BRINP3: variants seen among roughly 807,000 people sequenced by gnomAD.
The protein encoded by BRINP3 is BMP/retinoic acid inducible neural specific 3.
A neutral mutation model predicts 71.0 loss-of-function variants in BRINP3; 19 were observed. That is an observed-to-expected ratio of 0.27 (90% CI 0.19 to 0.39). BRINP3 has a LOEUF of 0.39. Ranked by LOEUF, BRINP3 falls within the 10% of genes least tolerant of loss-of-function variation. The pLI is 1.00. For missense variants in BRINP3, 959 were observed against 940.8 expected, an observed-to-expected ratio of 1.02 and a Z score of -0.25; for synonymous variants, 380 against 337.7, an observed-to-expected ratio of 1.13 and a Z score of -1.37.
At chr1:190,299,645 C>T (rs1290354249) in intron 2 of BRINP3, among the ~76,000 whole-genome samples, 1 of 138,648 alleles carries the variant, frequency 7.2e-6, no homozygotes, top group Non-Finnish European at 1.5e-5. Flanking sequence ...CATGTGTTCT[C>T]ATTGTTCAAT....
At chr1:190,259,047 C>T (rs1388269994) in intron 4 of BRINP3, among the ~76,000 whole-genome samples, 1 of 151,882 alleles carries the variant, frequency 6.6e-6, no homozygotes, top group Admixed American at 6.6e-5. Context: ...GATGGTTTCA[C>T]CACTAAATTC....
At chr1:190,438,563 T>C (rs1674619672) in intron 2 of BRINP3, among the ~76,000 whole-genome samples, 1 of 151,888 alleles carries the variant, frequency 6.6e-6, no homozygotes, top group African/African-American at 2.4e-5. Flanking sequence ...ACTTTGAGGA[T>C]GTTTTATATG....
intron 7 of BRINP3, among the ~76,000 whole-genome samples, chr1:190,132,861 T>C (rs1277082563): frequency 6.6e-6 from 1 of 152,128 alleles, no homozygotes; most frequent in Non-Finnish European, 1.5e-5. Flanking sequence ...CTTCTCACTC[T>C]AACTTTTGGA....
chr1:190,122,996 T>A (rs1318112337), intron 7 of BRINP3, among the ~76,000 whole-genome samples: 1 of 152,016 alleles, frequency 6.6e-6, no homozygotes, highest in Non-Finnish European at 1.5e-5. Flanking sequence ...GACAGACAGT[T>A]GCAACCAGAC....
At chr1:190,293,273 C>T (rs961675161) in intron 2 of BRINP3, among the ~76,000 whole-genome samples, 1 of 151,674 alleles carries the variant, frequency 6.6e-6, no homozygotes, top group African/African-American at 2.4e-5. Context: ...ATTTTTTTAT[C>T]AATACATAAG....
chr1:190,462,411 C>A (rs1373908406), intron 1 of BRINP3, among the ~76,000 whole-genome samples: 1 of 151,994 alleles, frequency 6.6e-6, no homozygotes, highest in Non-Finnish European at 1.5e-5. Context: ...AGATCCTAAT[C>A]AACAAACAGC....
Position 190,454,853 on chromosome 1 carries a change from G to A in BRINP3, c.38C>T (p.Ser13Phe). 2 of 1,614,178 alleles carry A rather than the reference G, an allele frequency of 1.2e-6. No homozygotes were observed. Among genetic ancestry groups the A allele is most frequent in the Non-Finnish European group, 1.7e-6 (2 of 1,180,042 alleles). ...WRSRAGAELF[S>F]LMALWEWIAL... ...TATCCACTCCCATAGAGCCATCAGA[G>A]AGAACAATTCAGCACCAGCTCTGCT... The change falls in exon 2 of 8, where the codon TCT (serine) becomes TTT (phenylalanine). Residue 13 changes from serine (S) to phenylalanine (F), a missense_variant. By Grantham distance (155) the Ser-to-Phe change is radical. Transcript: ENST00000367462.
chr1:190,252,409 T>C (rs1660231058), intron 4 of BRINP3, among the ~76,000 whole-genome samples: 1 of 152,116 alleles, frequency 6.6e-6, no homozygotes, highest in Non-Finnish European at 1.5e-5. Context: ...TACTGAGTTT[T>C]CTTTCTGCTT....
At chr1:190,128,482 T>C (rs1319520331) in intron 7 of BRINP3, among the ~76,000 whole-genome samples, 1 of 151,794 alleles carries the variant, frequency 6.6e-6, no homozygotes, top group Non-Finnish European at 1.5e-5. Flanking sequence ...CTACATCAAA[T>C]GGACATGAGT....
At chr1:190,330,793 C>A (rs1426221176) in intron 2 of BRINP3, among the ~76,000 whole-genome samples, 2 of 151,964 alleles carry the variant, frequency 1.3e-5, no homozygotes, top group South Asian at 2.1e-4. Context: ...GAATACTATA[C>A]CACCATAAAA....
chr1:190,172,223 T>G (rs949957581), intron 6 of BRINP3, among the ~76,000 whole-genome samples: 3 of 150,494 alleles, frequency 2.0e-5, no homozygotes, highest in African/African-American at 7.4e-5. Context: ...GTGATTTGGG[T>G]GACAAATAAA....
At chr1:190,223,917 C>T (rs1352564698) in intron 6 of BRINP3, among the ~76,000 whole-genome samples, 1 of 151,490 alleles carries the variant, frequency 6.6e-6, no homozygotes, top group Non-Finnish European at 1.5e-5. Flanking sequence ...TAAAATACCT[C>T]AAAGCAATCA....
chr1:190,467,763 C>T lies in BRINP3; in HGVS notation c.-51+9685G>A, dbSNP rs570863254. On this transcript the variant is annotated intron_variant, in intron 1 of 7. Transcript: ENST00000367462. Reference sequence around the variant, plus strand: ...TAAAATAGCCCAAACTGTCTTCAAACTCAAAAGGTTATGAGGTACTATTTC... The same window carrying T: ...TAAAATAGCCCAAACTGTCTTCAAATTCAAAAGGTTATGAGGTACTATTTC... Among the ~76,000 whole-genome samples, 487 of 151,606 alleles carry T rather than the reference C, an allele frequency of 3.2e-3. 2 individuals are homozygous for T. The highest frequency in any genetic ancestry group is 5.8e-3 in the Non-Finnish European group (393 of 67,564).
At chr1:190,182,562 C>A (rs190107898) in intron 6 of BRINP3, among the ~76,000 whole-genome samples, 1 of 148,318 alleles carries the variant, frequency 6.7e-6, no homozygotes, top group African/African-American at 2.5e-5. Flanking sequence ...TTGTTGACTG[C>A]TTGATTTTAA....
At chr1:190,263,431 G>A (rs370158699) in intron 4 of BRINP3, among the ~76,000 whole-genome samples, 1 of 151,900 alleles carries the variant, frequency 6.6e-6, no homozygotes, top group East Asian at 1.9e-4. Context: ...GCAACATTAG[G>A]ATTTTGTCAT....
intron 2 of BRINP3, among the ~76,000 whole-genome samples, chr1:190,418,270 C>T (rs922262491): frequency 3.9e-5 from 6 of 152,048 alleles, no homozygotes; most frequent in Admixed American, 3.9e-4. Context: ...AGGCTGGTCT[C>T]GGACTCCTGA....
At chr1:190,475,791 C>G (rs1677457912) in intron 1 of BRINP3, 1 of 152,224 alleles carries the variant, frequency 6.6e-6, no homozygotes, top group African/African-American at 2.4e-5. Flanking sequence ...TAAATACTGA[C>G]TGTCTGTTCC....
intron 5 of BRINP3, among the ~76,000 whole-genome samples, chr1:190,229,849 T>A (rs1417459209): frequency 6.6e-6 from 1 of 151,856 alleles, no homozygotes; most frequent in East Asian, 1.9e-4. Flanking sequence ...CAGAATTCAA[T>A]AAAATATGAT....
At chr1:190,325,552 TGTAA>T (rs1373846575) in intron 2 of BRINP3, among the ~76,000 whole-genome samples, 1 of 152,008 alleles carries the variant, frequency 6.6e-6, no homozygotes, top group African/African-American at 2.4e-5. Context: ...AAAATGTACT[TGTAA>T]GTGATAGCTG....
Sources: gnomAD v4.1 joint callset for allele counts (sites outside exome capture counted in the v4.1 genomes callset) on GRCh38, gnomAD v4.1.1 for gene constraint, MANE v1.5 for transcripts, NCBI Gene and HGNC (gene_info 2026-07-23, HGNC 2026-07-21) for gene names.